Variants in WDR26 observed in about 807,000 individuals in gnomAD.
WDR26 encodes WD repeat domain 26.
WDR26 carries 5 observed loss-of-function variants against 84.1 expected under a neutral mutation model. That is an observed-to-expected ratio of 0.06 (90% CI 0.03 to 0.13). WDR26 has a LOEUF of 0.13. Among genes scored for constraint, WDR26 ranks in the 10% least tolerant of loss-of-function variants. The pLI, the probability that WDR26 is intolerant of heterozygous loss-of-function variation, is 1.00. For missense variants in WDR26, 642 were observed against 974.9 expected (o/e 0.66, Z 4.55); for synonymous variants, 415 against 389.6 (o/e 1.07, Z -0.77).
chr1:224,418,034 A>G (rs1673956464), intron 6 of WDR26, among the ~76,000 whole-genome samples: 1 of 152,208 alleles, frequency 6.6e-6, no homozygotes, highest in Non-Finnish European at 1.5e-5. Context: ...AAACCTATAG[A>G]TAACGAAAAA....
At chr1:224,433,105 G>T (rs945524897) in intron 1 of WDR26, among the ~76,000 whole-genome samples, 1 of 152,026 alleles carries the variant, frequency 6.6e-6, no homozygotes, top group Non-Finnish European at 1.5e-5. Context: ...TTCATTATTC[G>T]CATCAGATTT....
intron 9 of WDR26, 93 bp from the exon 10 acceptor site, chr1:224,399,127 G>T: frequency 3.3e-6 from 4 of 1,211,842 alleles, no homozygotes; most frequent in Non-Finnish European, 4.4e-6. Flanking sequence ...ATATCTTTTA[G>T]TAACAGGTTT....
rs573456282 is a variant in WDR26, at chr1:224,385,337, C to CA, written c.*4497dup. 2.0e-3 allele frequency: 307 copies of CA among 152,140 alleles called. 2 individuals are homozygous for CA. Among genetic ancestry groups the CA allele is most frequent in the African/African-American group, 6.6e-3 (276 of 41,504 alleles). The allele number at this position is 152,140 out of a possible 1,614,324, so 9.4% of individuals were successfully genotyped here. A position where few individuals can be genotyped will look rare whatever the true frequency, so the allele number is the denominator to read the frequency against. ...TACACATTTATAAAATAAAAGTCAA[C>CA]AAAGGGTGTTTTGTAAATAATTAGT... On this transcript the variant is annotated 3_prime_UTR_variant, in exon 14 of 14. Transcript: ENST00000414423.
In WDR26 at chr1:224,393,955, C is replaced by T; in HGVS notation, c.2133G>A (p.Gly711=). 1.3e-6 allele frequency: 2 copies of T among 1,560,586 alleles called. No homozygotes were observed. The highest frequency in any genetic ancestry group is 1.8e-6 in the Non-Finnish European group (2 of 1,138,966). Residue 711 remains glycine (G), a synonymous_variant, in exon 13 of 14, where the codon GGG becomes GGA. Transcript: ENST00000414423. ...TCACACAGTTTACTGTACGTGTGTG[C>T]CCTGTCAGCTCCGCAATTGGCAGTT...
chr1:224,407,395 A>G (rs568346670), intron 7 of WDR26, among the ~76,000 whole-genome samples: 1 of 148,896 alleles, frequency 6.7e-6, no homozygotes, highest in African/African-American at 2.4e-5. Flanking sequence ...AAAGGAAAGT[A>G]GGCATTGGAA....
At chr1:224,415,305 A>C (rs1364735432) in intron 6 of WDR26, among the ~76,000 whole-genome samples, 6 of 152,118 alleles carry the variant, frequency 3.9e-5, no homozygotes, top group Non-Finnish European at 8.8e-5. Flanking sequence ...TGCTGTGTTT[A>C]ATGTACTTGA....
chr1:224,408,633 CTTTTTTTT>C (rs67639407), intron 7 of WDR26, among the ~76,000 whole-genome samples: 2 of 115,814 alleles, frequency 1.7e-5, no homozygotes, highest in Admixed American at 9.1e-5. Flanking sequence ...TCATCCCATT[CTTTTTTTT>C]TTTTTTTTTT....
chr1:224,413,226 A>C (rs1673789851), intron 6 of WDR26: 2 of 950,316 alleles, frequency 2.1e-6, no homozygotes, highest in Non-Finnish European at 2.6e-6. Context: ...CCCAAAAAAA[A>C]CGTTATTTAA....
chr1:224,422,870 C>T (rs768452136), intron 4 of WDR26, among the ~76,000 whole-genome samples: 3 of 152,116 alleles, frequency 2.0e-5, no homozygotes, highest in Non-Finnish European at 2.9e-5. Flanking sequence ...TTAGGCCATA[C>T]ATGTCAAAGT....
At position 224,415,369 on chromosome 1, in the gene WDR26, C is replaced by G. The variant is rs182900147; in HGVS notation, c.1319+2891G>C. ...GGCTCAGGAGATAAATTCTGTAGCT[C>G]TGGCCTGTATCTAGTTGTCATTAGA... On this transcript the variant is annotated intron_variant, in intron 6 of 13. Coordinates refer to ENST00000414423, the MANE Select transcript of WDR26 (RefSeq NM_001379403.1). Among the ~76,000 whole-genome samples the G allele has an allele frequency of 7.3e-5, 11 of 151,228 alleles. No individual in the cohort carries two copies. The East Asian group carries it at 1.7e-3, about 24-fold the overall frequency.
At chr1:224,433,647 GT>G in intron 1 of WDR26, 36 bp downstream of exon 1, 1 of 1,360,326 alleles carries the variant, frequency 7.4e-7, no homozygotes, top group Non-Finnish European at 9.5e-7. Context: ...CCGTCCCTCG[GT>G]CTGTCCATCA....
In WDR26 at chr1:224,434,432, G is replaced by C; in HGVS notation, c.-27C>G. ...GTGGGAAGCCGGTGGGGCGAGGCGG[G>C]GGAGGGGAGGCGGGGGCCGGGGAGA... is the stretch of plus-strand genomic sequence containing the variant. On this transcript the variant is annotated 5_prime_UTR_variant, in exon 1 of 14. Coordinates refer to ENST00000414423, the MANE Select transcript of WDR26 (RefSeq NM_001379403.1). 9.7e-7 allele frequency: 1 copy of C among 1,027,944 alleles called. No homozygotes were observed. The highest frequency in any genetic ancestry group is 1.2e-6 in the Non-Finnish European group (1 of 855,660). The allele number at this position is 1,027,944 out of a possible 1,614,324, so 63.7% of individuals were successfully genotyped here.
In WDR26 at chr1:224,385,312, T is replaced by C. The variant is rs1050396183; in HGVS notation, c.*4523A>G. ...AAAAATTTAAAGACGTTTAATACATTACACATTTATAAAATAAAAGTCAAC... is the reference window on the plus strand; with the variant it reads ...AAAAATTTAAAGACGTTTAATACATCACACATTTATAAAATAAAAGTCAAC... On this transcript the variant is annotated 3_prime_UTR_variant, in exon 14 of 14. Transcript: ENST00000414423. 6.6e-6 allele frequency: 1 copy of C among 152,230 alleles called. No homozygotes were observed. Among genetic ancestry groups the C allele is most frequent in the African/African-American group, 2.4e-5 (1 of 41,454 alleles). The allele number at this position is 152,230 out of a possible 1,614,324, so 9.4% of individuals were successfully genotyped here.
chr1:224,411,588 T>C, intron 6 of WDR26, 23 bp from the exon 7 acceptor site: 1 of 1,565,126 alleles, frequency 6.4e-7, no homozygotes, highest in Non-Finnish European at 8.6e-7. Flanking sequence ...GGTCCACAAA[T>C]TATTCTTTCA....
chr1:224,413,635 A>G (rs1673799541), intron 6 of WDR26, among the ~76,000 whole-genome samples: 1 of 152,182 alleles, frequency 6.6e-6, no homozygotes, highest in Admixed American at 6.5e-5. Context: ...AATTTACCAG[A>G]TGTTATAAAA....
In WDR26 at chr1:224,387,777, G is replaced by A. The variant is rs990428427; in HGVS notation, c.*2058C>T. The A allele has an allele frequency of 5.2e-5, 8 of 152,546 alleles. No homozygotes were observed. The highest frequency in any genetic ancestry group is 1.9e-4 in the African/African-American group (8 of 41,390). 9.4% of individuals were successfully genotyped at this position (152,546 alleles called of 1,614,324 possible). Reference sequence around the variant, plus strand: ...GTATTAACGGCTTCAGGGTATACATGAATCACTTAAAATATGAATGGTTTT... The same window carrying A: ...GTATTAACGGCTTCAGGGTATACATAAATCACTTAAAATATGAATGGTTTT... On this transcript the variant is annotated 3_prime_UTR_variant, in exon 14 of 14. Coordinates refer to ENST00000414423, the MANE Select transcript of WDR26 (RefSeq NM_001379403.1).
chr1:224,396,826 A>T (rs1423933542), intron 12 of WDR26, among the ~76,000 whole-genome samples: 1 of 150,148 alleles, frequency 6.7e-6, no homozygotes, highest in Non-Finnish European at 1.5e-5. Flanking sequence ...TGAGGGGCTG[A>T]GGAGGGAAGG....
chr1:224,419,728 A>G, intron 4 of WDR26, 113 bp from the exon 5 acceptor site: 1 of 757,794 alleles, frequency 1.3e-6, no homozygotes, highest in Non-Finnish European at 2.2e-6. Context: ...ATGTCAAGAA[A>G]TTTCTACAGT....
intron 6 of WDR26, among the ~76,000 whole-genome samples, chr1:224,413,583 G>A (rs1386466555): frequency 6.6e-6 from 1 of 152,114 alleles, no homozygotes; most frequent in East Asian, 1.9e-4. Context: ...GCTCATGGAA[G>A]TACTATTATC....
Sources: gnomAD v4.1 joint callset for allele counts (sites outside exome capture counted in the v4.1 genomes callset) on GRCh38, gnomAD v4.1.1 for gene constraint, MANE v1.5 for transcripts, NCBI Gene and HGNC (gene_info 2026-07-23, HGNC 2026-07-21) for gene names.